KCNH7: variants seen among roughly 807,000 people sequenced by gnomAD.
The protein encoded by KCNH7 is potassium voltage-gated channel subfamily H member 7, also known as voltage-gated inwardly rectifying potassium channel KCNH7.
In KCNH7, 49 loss-of-function variants were observed where a neutral mutation model predicts 120.8. The observed-to-expected ratio is 0.41, with a 90% CI of 0.32 to 0.51. The LOEUF is 0.51. Ranked by LOEUF, KCNH7 falls within the 20% of genes least tolerant of loss-of-function variation. The pLI is 0.38. For synonymous variants in KCNH7, 547 were observed against 516.1 expected, an observed-to-expected ratio of 1.06 and a Z score of -0.81; for missense variants, 1,097 against 1,446.6, an observed-to-expected ratio of 0.76 and a Z score of 3.92.
chr2:162,742,633 A>AC (rs1688176220), intron 2 of KCNH7, among the ~76,000 whole-genome samples: 1 of 152,216 alleles, frequency 6.6e-6, no homozygotes, highest in Admixed American at 6.5e-5. Flanking sequence ...AACTAATTGT[A>AC]TGTTTAAAAC....
chr2:162,733,427 C>T (rs923683376), intron 2 of KCNH7, among the ~76,000 whole-genome samples: 1 of 152,218 alleles, frequency 6.6e-6, no homozygotes, highest in Admixed American at 6.5e-5. Context: ...AAATATACCA[C>T]ATCTAAGCAG....
At chr2:162,526,116 G>T (rs951790516) in intron 3 of KCNH7, among the ~76,000 whole-genome samples, 1 of 151,822 alleles carries the variant, frequency 6.6e-6, no homozygotes, top group Non-Finnish European at 1.5e-5. Flanking sequence ...ATGTTGGCAG[G>T]TTCCGTGATG....
intron 6 of KCNH7, among the ~76,000 whole-genome samples, chr2:162,471,963 A>T (rs1186222512): frequency 6.6e-6 from 1 of 152,234 alleles, no homozygotes; most frequent in Admixed American, 6.5e-5. Flanking sequence ...TCTTTGACAA[A>T]CCTGACAAAA....
At chr2:162,547,088 G>A (rs1340686169) in intron 2 of KCNH7, among the ~76,000 whole-genome samples, 27 of 152,144 alleles carry the variant, frequency 1.8e-4, no homozygotes, top group Non-Finnish European at 4.4e-5. Flanking sequence ...GGAAGGGGAA[G>A]CAGGCACGTG....
At chr2:162,594,383 A>G (rs2105939191) in intron 2 of KCNH7, among the ~76,000 whole-genome samples, 1 of 152,130 alleles carries the variant, frequency 6.6e-6, no homozygotes, top group South Asian at 2.1e-4. Context: ...GTTGAGGGCA[A>G]GGAAAAGAGA....
intron 2 of KCNH7, among the ~76,000 whole-genome samples, chr2:162,578,694 C>T (rs1432751856): frequency 3.3e-5 from 5 of 152,008 alleles, no homozygotes; most frequent in Non-Finnish European, 4.4e-5. Context: ...CATGCTTATT[C>T]GTGGCATAGG....
chr2:162,556,112 T>A (rs1018281950), intron 2 of KCNH7, among the ~76,000 whole-genome samples: 2 of 152,090 alleles, frequency 1.3e-5, no homozygotes, highest in African/African-American at 4.8e-5. Flanking sequence ...CATTTAAAAT[T>A]ATATTTTTTG....
chr2:162,565,003 AT>A (rs1239816970), intron 2 of KCNH7, among the ~76,000 whole-genome samples: 1 of 152,114 alleles, frequency 6.6e-6, no homozygotes, highest in Non-Finnish European at 1.5e-5. Context: ...GTAATGGTAT[AT>A]CCCCTTAACC....
intron 2 of KCNH7, among the ~76,000 whole-genome samples, chr2:162,827,374 C>T (rs1271730294): frequency 6.6e-6 from 1 of 151,926 alleles, no homozygotes; most frequent in Non-Finnish European, 1.5e-5. Flanking sequence ...ACTGAGGGGC[C>T]CTTAACCAAA....
At position 162,446,029 on chromosome 2, in the gene KCNH7, C is replaced by T; in HGVS notation, c.1543G>A (p.Gly515Ser). The T allele has an allele frequency of 6.2e-7, 1 of 1,612,656 alleles. No individual in the cohort carries two copies. The highest frequency in any genetic ancestry group is 8.5e-7 in the Non-Finnish European group (1 of 1,179,330). Residue 515 changes from glycine to serine, a missense_variant, in exon 7 of 16, where the codon GGT (glycine) becomes AGT (serine). This residue lies in a region of KCNH7 where 109 missense variants were observed against 196.8 expected (regional missense o/e 0.55). Coordinates refer to ENST00000332142, the MANE Select transcript of KCNH7 (RefSeq NM_033272.4). ...IPFDLLIFGS[G>S]SDETTTLIGL... is the part of the protein sequence containing the mutation. The stretch of plus-strand genomic sequence containing the variant: ...TAAGCAGTTCTTACCTCATCAGAAC[C>T]TGATCCAAAAATCAGCAAGTCAAAA...
chr2:162,807,277 A>AC (rs1684581545), intron 2 of KCNH7, among the ~76,000 whole-genome samples: 5 of 149,940 alleles, frequency 3.3e-5, no homozygotes, highest in Non-Finnish European at 7.4e-5. Context: ...AAAAAAAAAA[A>AC]AAAAAACAAA....
At chr2:162,747,693 A>C (rs1322009101) in intron 2 of KCNH7, among the ~76,000 whole-genome samples, 1 of 152,208 alleles carries the variant, frequency 6.6e-6, no homozygotes, top group Non-Finnish European at 1.5e-5. Context: ...AATGGAGCAC[A>C]CTGCGACTGA....
chr2:162,635,893 A>G (rs1683939620), intron 2 of KCNH7, among the ~76,000 whole-genome samples: 1 of 152,078 alleles, frequency 6.6e-6, no homozygotes, highest in Non-Finnish European at 1.5e-5. Context: ...TTTTGGAAAC[A>G]TCTTGCTGCC....
chr2:162,751,366 T>A (rs1015864852), intron 2 of KCNH7, among the ~76,000 whole-genome samples: 11 of 152,174 alleles, frequency 7.2e-5, no homozygotes, highest in Admixed American at 1.3e-4. Context: ...TTTACCTTTT[T>A]CTGCTTATAT....
chr2:162,585,775 T>C lies in KCNH7; in HGVS notation c.308-48695A>G, dbSNP rs147830445. ...AGAGTAAGAATTTTCAGGAGCACTA[T>C]TAGATTAATATTAAGGCAAATAAGA... On this transcript the variant is annotated intron_variant, in intron 2 of 15. Coordinates refer to ENST00000332142, the MANE Select transcript of KCNH7 (RefSeq NM_033272.4). 1.4e-4 allele frequency among the ~76,000 whole-genome samples: 21 copies of C among 152,066 alleles called. 1 individual carries two copies. The East Asian group carries it at 3.7e-3, about 27-fold the overall frequency.
chr2:162,733,891 AATTAAT>A (rs1439291116), intron 2 of KCNH7, among the ~76,000 whole-genome samples: 5 of 152,158 alleles, frequency 3.3e-5, no homozygotes, highest in African/African-American at 9.7e-5. Context: ...ATTGAATGTA[AATTAAT>A]ATTAACTGAA....
chr2:162,582,577 C>A (rs192335085), intron 2 of KCNH7, among the ~76,000 whole-genome samples: 75 of 152,190 alleles, frequency 4.9e-4, no homozygotes, highest in African/African-American at 1.8e-3. Flanking sequence ...GCCAGCCCTG[C>A]TGAAGGGGGC....
intron 6 of KCNH7, among the ~76,000 whole-genome samples, chr2:162,470,391 C>A (rs528762004): frequency 1.9e-3 from 291 of 151,458 alleles, no homozygotes; most frequent in African/African-American, 6.5e-3. Flanking sequence ...CGTCTCTGCC[C>A]GGCCGCCCCG....
At chr2:162,764,795 A>C (rs1381834131) in intron 2 of KCNH7, among the ~76,000 whole-genome samples, 2 of 152,308 alleles carry the variant, frequency 1.3e-5, no homozygotes, top group East Asian at 1.9e-4. Flanking sequence ...TTATTTTCCC[A>C]AATTCATGAT....
Sources: allele counts gnomAD v4.1 joint callset (sites outside exome capture counted in the v4.1 genomes callset), GRCh38; gene constraint gnomAD v4.1.1; regional missense constraint gnomAD v4.1.1; transcripts MANE v1.5; gene names NCBI Gene and HGNC (gene_info 2026-07-23, HGNC 2026-07-21).